PRKCH: variants seen among roughly 807,000 people sequenced by gnomAD.
PRKCH encodes the protein protein kinase C eta type.
A neutral mutation model predicts 82.5 loss-of-function variants in PRKCH; 28 were observed. That is an observed-to-expected ratio of 0.34 (90% CI 0.25 to 0.47). The LOEUF (loss-of-function observed/expected upper bound fraction) is 0.47. Among genes scored for constraint, PRKCH ranks in the 20% least tolerant of loss-of-function variants. The probability of loss-of-function intolerance (pLI) is 1.00; values close to 1 mark genes in which losing one functional copy is unlikely to be tolerated. For synonymous variants in PRKCH, 322 were observed against 327.4 expected, an observed-to-expected ratio of 0.98 and a Z score of 0.18; for missense variants, 705 against 881.8, an observed-to-expected ratio of 0.80 and a Z score of 2.54.
chr14:61,272,340 C>CTTTTTT lies in PRKCH; in HGVS notation c.-19+84675_-19+84676insTTTTTT, dbSNP rs1335053986. 5.3e-4 allele frequency among the ~76,000 whole-genome samples: 52 copies of CTTTTTT among 97,816 alleles called. 3 individuals carry two copies. The highest frequency in any genetic ancestry group is 1.1e-3 in the East Asian group (3 of 2,820). 64.2% of individuals were successfully genotyped at this position (97,816 alleles called of 152,430 possible). ...TAGATTTCTTTTTCTTTTCTTTTTT[C>CTTTTTT]TTTCTTTTTTTTTTTTTTTTTTTTT... On this transcript the variant is annotated intron_variant, in intron 1 of 3. Coordinates refer to the PRKCH transcript ENST00000555185.
intron 1 of PRKCH, among the ~76,000 whole-genome samples, chr14:61,242,397 A>ATGTT (rs1057373309): frequency 6.6e-5 from 10 of 152,222 alleles, no homozygotes; most frequent in African/African-American, 2.2e-4. Context: ...TACACTGCAT[A>ATGTT]TGTTTGTTTG....
chr14:61,255,829 A>C (rs1180277139), intron 1 of PRKCH, among the ~76,000 whole-genome samples: 3 of 152,210 alleles, frequency 2.0e-5, no homozygotes, highest in Admixed American at 1.3e-4. Flanking sequence ...TGGGAGTGCC[A>C]AATTTCCTAA....
intron 2 of PRKCH, among the ~76,000 whole-genome samples, chr14:61,411,943 T>C (rs1301685645): frequency 1.3e-5 from 2 of 152,162 alleles, no homozygotes. Context: ...TCATGGAGCA[T>C]TGGGTAGAGT....
chr14:61,405,215 G>A (rs1566862728), intron 2 of PRKCH, among the ~76,000 whole-genome samples: 1 of 152,134 alleles, frequency 6.6e-6, no homozygotes, highest in Non-Finnish European at 1.5e-5. Context: ...AGCATTAAAA[G>A]TTCAAATTGA....
chr14:61,253,725 T>C (rs1369202357), intron 1 of PRKCH, among the ~76,000 whole-genome samples: 4 of 152,202 alleles, frequency 2.6e-5, no homozygotes, highest in Non-Finnish European at 4.4e-5. Context: ...CTCTGCCTAA[T>C]TAGGCAACGG....
intron 1 of PRKCH, chr14:61,281,822 C>T (rs937395152): frequency 6.9e-6 from 1 of 144,544 alleles, no homozygotes; most frequent in Non-Finnish European, 1.5e-5. Flanking sequence ...CAGGGAATTA[C>T]GTTATGATAA....
intron 10 of PRKCH, chr14:61,527,961 G>GTC (rs1166625095): frequency 1.3e-5 from 2 of 152,152 alleles, no homozygotes; most frequent in Non-Finnish European, 2.9e-5. Context: ...CTGTGAGGCT[G>GTC]TCTCTCTCTC....
chr14:61,471,671 T>A (rs867777304), intron 9 of PRKCH, among the ~76,000 whole-genome samples: 11 of 150,070 alleles, frequency 7.3e-5, no homozygotes, highest in Non-Finnish European at 1.3e-4. Context: ...CCTTTACAAT[T>A]AAAAAAAAAA....
At chr14:61,537,548 C>T (rs1032096934) in intron 12 of PRKCH, 11 of 152,104 alleles carry the variant, frequency 7.2e-5, no homozygotes, top group African/African-American at 2.7e-4. Flanking sequence ...TTAGGGAAGT[C>T]CCAGGCGAGT....
At chr14:61,519,308 TG>T (rs1566925611) in intron 10 of PRKCH, among the ~76,000 whole-genome samples, 33 of 146,154 alleles carry the variant, frequency 2.3e-4, no homozygotes, top group East Asian at 1.6e-3. Flanking sequence ...AATGAATGAA[TG>T]AATGAATGAA....
intron 9 of PRKCH, among the ~76,000 whole-genome samples, chr14:61,462,736 C>CTGGAG (rs1885081263): frequency 6.6e-6 from 1 of 152,216 alleles, no homozygotes; most frequent in Non-Finnish European, 1.5e-5. Flanking sequence ...CTGTGACAGT[C>CTGGAG]TCCCCTGGAG....
At chr14:61,514,264 A>G (rs987634886) in intron 10 of PRKCH, among the ~76,000 whole-genome samples, 2 of 149,086 alleles carry the variant, frequency 1.3e-5, no homozygotes, top group Non-Finnish European at 3.0e-5. Flanking sequence ...AGTTAAATTC[A>G]TGTAAATCCT....
intron 1 of PRKCH, among the ~76,000 whole-genome samples, chr14:61,221,763 T>A (rs2044657775): frequency 6.6e-6 from 1 of 152,172 alleles, no homozygotes; most frequent in Admixed American, 6.5e-5. Flanking sequence ...CCCCCCAGTG[T>A]CACCCCTGTG....
rs114934145 is a variant in PRKCH, at chr14:61,522,704, A to G, written c.1434-6371A>G. ...GCACTCATCACAGTTGATAATTGTA[A>G]ATTTAGTTGTGTGGTGATCTGTCTG... On this transcript the variant is annotated intron_variant, in intron 10 of 13. Transcript: ENST00000332981. 1.4e-3 allele frequency among the ~76,000 whole-genome samples: 219 copies of G among 152,260 alleles called. 3 individuals are homozygous for G. The highest frequency in any genetic ancestry group is 5.2e-3 in the African/African-American group (214 of 41,538).
At chr14:61,298,055 T>G (rs1239208457) in intron 1 of PRKCH, 3 of 152,218 alleles carry the variant, frequency 2.0e-5, no homozygotes, top group African/African-American at 7.2e-5. Flanking sequence ...CTTTGTCCCC[T>G]ACATAGCACA....
At chr14:61,205,173 C>G (rs1365164825) in intron 1 of PRKCH, among the ~76,000 whole-genome samples, 1 of 152,216 alleles carries the variant, frequency 6.6e-6, no homozygotes, top group Non-Finnish European at 1.5e-5. Flanking sequence ...AGCAACTCGT[C>G]CGTGAGCCTG....
intron 10 of PRKCH, among the ~76,000 whole-genome samples, chr14:61,491,195 A>G (rs1225803987): frequency 6.6e-6 from 1 of 152,178 alleles, no homozygotes; most frequent in Non-Finnish European, 1.5e-5. Flanking sequence ...ATTTATATTC[A>G]TTCTACTCAT....
intron 10 of PRKCH, among the ~76,000 whole-genome samples, chr14:61,492,957 T>G (rs1384716771): frequency 6.6e-6 from 1 of 152,212 alleles, no homozygotes; most frequent in Non-Finnish European, 1.5e-5. Flanking sequence ...GGAGCAAGTT[T>G]GAGCAAAGCA....
intron 1 of PRKCH, among the ~76,000 whole-genome samples, chr14:61,288,526 C>T (rs1218375553): frequency 1.3e-5 from 2 of 152,160 alleles, no homozygotes; most frequent in African/African-American, 4.8e-5. Flanking sequence ...ATCTGGAGAT[C>T]GTATACCCAT....
Sources: gnomAD v4.1 joint callset for allele counts (sites outside exome capture counted in the v4.1 genomes callset) on GRCh38, gnomAD v4.1.1 for gene constraint, MANE v1.5 for transcripts, NCBI Gene and HGNC (gene_info 2026-07-23, HGNC 2026-07-21) for gene names.